Variants in SOX6 observed in about 807,000 individuals in gnomAD.
SOX6 encodes transcription factor SOX-6.
SOX6 carries 11 observed loss-of-function variants against 97.8 expected under a neutral mutation model. That is an observed-to-expected ratio of 0.11 (90% confidence interval 0.07 to 0.19). The LOEUF (loss-of-function observed/expected upper bound fraction) is 0.19. Among genes scored for constraint, SOX6 ranks in the 10% least tolerant of loss-of-function variants. The pLI, the probability that SOX6 is intolerant of heterozygous loss-of-function variation, is 1.00. For missense variants in SOX6, 810 were observed against 1,039.5 expected (o/e 0.78, Z 3.04); for synonymous variants, 360 against 371.4 (o/e 0.97, Z 0.35).
At chr11:16,735,876 T>A (rs1848387372) in intron 2 of SOX6, among the ~76,000 whole-genome samples, 2 of 152,124 alleles carry the variant, frequency 1.3e-5, no homozygotes, top group African/African-American at 4.8e-5. Flanking sequence ...CACAGCATAA[T>A]CTTCAAAGCC....
intron 4 of SOX6, among the ~76,000 whole-genome samples, chr11:16,548,712 T>C (rs1434565031): frequency 6.6e-6 from 1 of 152,156 alleles, no homozygotes; most frequent in African/African-American, 2.4e-5. Context: ...TCAAAGGATG[T>C]AAAATTTCAG....
chr11:16,077,802 A>T (rs1564941870), intron 9 of SOX6, among the ~76,000 whole-genome samples: 1 of 152,198 alleles, frequency 6.6e-6, no homozygotes, highest in Non-Finnish European at 1.5e-5. Context: ...ACTGGGGCCT[A>T]CTTGAAGGCA....
chr11:16,095,807 G>A (rs1848779900), intron 9 of SOX6, among the ~76,000 whole-genome samples, 189 bp downstream of exon 9: 1 of 151,428 alleles, frequency 6.6e-6, no homozygotes, highest in Non-Finnish European at 1.5e-5. Flanking sequence ...GCATTGCTTT[G>A]GGATTTGCTT....
Position 16,610,956 on chromosome 11 carries a change from G to GC in SOX6, n.609+1124dup, listed in dbSNP as rs922169789. 2.6e-5 allele frequency among the ~76,000 whole-genome samples: 4 copies of GC among 152,224 alleles called. No homozygotes were observed. Among genetic ancestry groups the GC allele is most frequent in the Admixed American group, 2.6e-4 (4 of 15,288 alleles). On this transcript the variant is annotated intron_variant and non_coding_transcript_variant, in intron 4 of 5. Transcript: ENST00000524520. The surrounding 1 kb of genome is among the most constrained non-coding windows in gnomAD (Gnocchi z 4.4). ...AAGCTCACATCCCCTGGGGGTTGGA[G>GC]CCCCACGCGGCGCAAGAACCCCGGG...
At chr11:16,666,221 A>C (rs1271558230) in intron 3 of SOX6, among the ~76,000 whole-genome samples, 1 of 152,198 alleles carries the variant, frequency 6.6e-6, no homozygotes, top group African/African-American at 2.4e-5. Flanking sequence ...AAACAAACTA[A>C]ATAAGGCACC....
At position 16,341,069 on chromosome 11, in the gene SOX6, G is replaced by C. The variant is rs200532524; in HGVS notation, c.180C>G (p.Val60=). 1 of 1,613,482 alleles carries C rather than the reference G, an allele frequency of 6.2e-7. No homozygotes were observed. Among genetic ancestry groups the C allele is most frequent in the East Asian group, 2.2e-5 (1 of 44,850 alleles). The change falls in exon 2 of 16, where the codon GTC becomes GTG. Residue 60 remains valine, a synonymous_variant. Transcript: ENST00000683767. ...AGTCAGCATCTTGTTGAATGGTACT[G>C]ACAAGTGTTGGTAGCTCCTCAGAGT... The part of the protein sequence containing the change: ...KPHSEELPTL[V]STIQQDADWD...
At chr11:16,084,660 C>A (rs535997167) in intron 9 of SOX6, among the ~76,000 whole-genome samples, 1 of 152,290 alleles carries the variant, frequency 6.6e-6, no homozygotes, top group African/African-American at 2.4e-5. Flanking sequence ...GCACCACTTT[C>A]CTGGAACCTC....
At chr11:16,513,107 G>A (rs75773430) in intron 4 of SOX6, among the ~76,000 whole-genome samples, 2,259 of 152,284 alleles carry the variant, frequency 0.015, 61 homozygotes, top group African/African-American at 0.052. Flanking sequence ...ACAACACATT[G>A]TTAGGTTAGA....
At chr11:16,109,285 C>T (rs1335218013) in intron 7 of SOX6, among the ~76,000 whole-genome samples, 1 of 152,150 alleles carries the variant, frequency 6.6e-6, no homozygotes, top group African/African-American at 2.4e-5. Flanking sequence ...ACTGCTGCCT[C>T]AACCTACCGG....
intron 7 of SOX6, among the ~76,000 whole-genome samples, chr11:16,107,005 T>A (rs1431299091): frequency 6.6e-6 from 1 of 151,952 alleles, no homozygotes; most frequent in Non-Finnish European, 1.5e-5. Flanking sequence ...CATAAATCAT[T>A]AAGGAAATGT....
intron 14 of SOX6, among the ~76,000 whole-genome samples, chr11:15,986,814 T>A (rs943295673): frequency 1.3e-5 from 2 of 152,192 alleles, no homozygotes; most frequent in African/African-American, 4.8e-5. Flanking sequence ...GTCCTAGAAA[T>A]TCAAACATCT....
chr11:16,633,764 C>G (rs1848745684), intron 3 of SOX6, among the ~76,000 whole-genome samples: 1 of 152,226 alleles, frequency 6.6e-6, no homozygotes, highest in Non-Finnish European at 1.5e-5. Flanking sequence ...ATATATAACT[C>G]TTGCCTAAGT....
In SOX6 at chr11:16,121,443, A is replaced by G. The variant is rs536522631; in HGVS notation, c.778-9520T>C. Among the ~76,000 whole-genome samples the G allele has an allele frequency of 7.3e-4, 111 of 152,106 alleles. 1 individual carries two copies. The highest frequency in any genetic ancestry group is 2.6e-3 in the African/African-American group (108 of 41,556). On this transcript the variant is annotated intron_variant, in intron 6 of 15. Coordinates refer to ENST00000683767, the MANE Select transcript of SOX6 (RefSeq NM_001367873.1). ...ATTTAGTGAGAACCTATCACTCTAT[A>G]CCTGGTTCTGTGCTGGGCAGTAGAA...
intron 15 of SOX6, among the ~76,000 whole-genome samples, chr11:15,981,843 T>C (rs1216894256): frequency 6.6e-6 from 1 of 152,098 alleles, no homozygotes; most frequent in Admixed American, 6.6e-5. Context: ...AGAATAATAA[T>C]ATTTACTTGA....
chr11:16,337,742 T>G (rs1856506840), intron 2 of SOX6, among the ~76,000 whole-genome samples: 1 of 152,166 alleles, frequency 6.6e-6, no homozygotes, highest in Non-Finnish European at 1.5e-5. Flanking sequence ...TAGGTAATTA[T>G]GATTAAAATC....
chr11:16,706,526 T>G (rs11607998), intron 3 of SOX6, among the ~76,000 whole-genome samples: 1 of 98,064 alleles, frequency 1.0e-5, no homozygotes, highest in African/African-American at 4.2e-5. Flanking sequence ...ATATATATAG[T>G]GTAAGACGGT....
chr11:16,057,231 TTC>T, intron 9 of SOX6, among the ~76,000 whole-genome samples: 1 of 152,300 alleles, frequency 6.6e-6, no homozygotes, highest in South Asian at 2.1e-4. Flanking sequence ...GCTCCCATGC[TTC>T]TCTCTCCAAT....
intron 1 of SOX6, among the ~76,000 whole-genome samples, chr11:16,440,019 G>A (rs956159845): frequency 6.6e-6 from 1 of 152,096 alleles, no homozygotes; most frequent in Non-Finnish European, 1.5e-5. Context: ...AAGGAAACAG[G>A]AAACATGTTA....
chr11:16,549,880 C>T (rs1433133008), intron 4 of SOX6, among the ~76,000 whole-genome samples: 2 of 152,126 alleles, frequency 1.3e-5, no homozygotes, highest in Admixed American at 6.5e-5. Context: ...ACTTCTATGA[C>T]ATTGTGGAAG....
Sources: allele counts gnomAD v4.1 joint callset (sites outside exome capture counted in the v4.1 genomes callset), GRCh38; gene constraint gnomAD v4.1.1; non-coding constraint Gnocchi (gnomAD v3.1); transcripts MANE v1.5; gene names NCBI Gene and HGNC (gene_info 2026-07-23, HGNC 2026-07-21).